ADAM7: variants seen among roughly 807,000 people sequenced by gnomAD.
ADAM7 encodes disintegrin and metalloproteinase domain-containing protein 7.
A neutral mutation model predicts 102.9 loss-of-function variants in ADAM7; 97 were observed. The observed-to-expected ratio is 0.94, with a 90% CI of 0.80 to 1.12. The LOEUF (loss-of-function observed/expected upper bound fraction) is 1.12. ADAM7 is among the 50% of genes most tolerant of loss of function. The pLI, the probability that ADAM7 is intolerant of heterozygous loss-of-function variation, is 0.00. For missense variants in ADAM7, 991 were observed against 908.7 expected, an observed-to-expected ratio of 1.09 and a Z score of -1.16; for synonymous variants, 334 against 304.4, an observed-to-expected ratio of 1.10 and a Z score of -1.01.
intron 16 of ADAM7, among the ~76,000 whole-genome samples, chr8:24,498,304 A>G (rs1209858423): frequency 1.3e-5 from 2 of 151,758 alleles, no homozygotes; most frequent in African/African-American, 4.8e-5. Flanking sequence ...GAAAGAGGAA[A>G]GAAGTAAAAA....
At chr8:24,472,282 A>AT (rs201229132) in intron 7 of ADAM7, among the ~76,000 whole-genome samples, 1 of 151,790 alleles carries the variant, frequency 6.6e-6, no homozygotes, top group Non-Finnish European at 1.5e-5. Flanking sequence ...ACTACCTTGC[A>AT]TTTAAAAAAA....
intron 9 of ADAM7, among the ~76,000 whole-genome samples, chr8:24,482,970 C>T (rs2129388617): frequency 6.6e-6 from 1 of 152,164 alleles, no homozygotes; most frequent in South Asian, 2.1e-4. Context: ...AATATTCTTC[C>T]AAAATCTGCC....
In ADAM7 at chr8:24,471,973, C is replaced by G. The variant is rs150362277; in HGVS notation, c.633+3153C>G. Among the ~76,000 whole-genome samples the G allele has an allele frequency of 9.6e-4, 146 of 151,478 alleles. 1 individual carries two copies. Among genetic ancestry groups the G allele is most frequent in the African/African-American group, 3.3e-3 (138 of 41,404 alleles). ...AATCTCAAAACTAGTTTCTTCTCTC[C>G]AAAAATATATCTTATGATTTTAATA... On this transcript the variant is annotated intron_variant, in intron 7 of 21. Coordinates refer to ENST00000175238, the MANE Select transcript of ADAM7 (RefSeq NM_003817.4).
intron 1 of ADAM7, 110 bp downstream of exon 1, chr8:24,441,270 T>C (rs1366292571): frequency 1.9e-6 from 2 of 1,068,716 alleles, no homozygotes; most frequent in Non-Finnish European, 1.4e-6. Context: ...TTGATGATTT[T>C]TCTGAGAGCT....
At chr8:24,504,105 C>T (rs934205526) in intron 20 of ADAM7, among the ~76,000 whole-genome samples, 1 of 151,898 alleles carries the variant, frequency 6.6e-6, no homozygotes, top group Non-Finnish European at 1.5e-5. Context: ...CAGTGGCTCA[C>T]AGCTACAATT....
At chr8:24,499,805 C>T (rs942576589) in intron 17 of ADAM7, among the ~76,000 whole-genome samples, 2 of 71,234 alleles carry the variant, frequency 2.8e-5, no homozygotes, top group Non-Finnish European at 3.1e-5. Flanking sequence ...AATACACACA[C>T]ACACACACAC....
intron 8 of ADAM7, among the ~76,000 whole-genome samples, chr8:24,480,676 G>C (rs1034461108): frequency 6.6e-6 from 1 of 152,114 alleles, no homozygotes; most frequent in Non-Finnish European, 1.5e-5. Flanking sequence ...AATAGAGAGG[G>C]TCTGAAAATC....
Position 24,509,400 on chromosome 8 carries a change from A to G in ADAM7, c.*854A>G. On this transcript the variant is annotated 3_prime_UTR_variant, in exon 22 of 22. Transcript: ENST00000175238. ...GGGAATGATTTCAGCTGCTTCTTAC[A>G]CAGATGCCTCTCAAGGTGTTCTTTT... 1 of 985,410 alleles carries G rather than the reference A, an allele frequency of 1.0e-6. No individual in the cohort carries two copies. Among genetic ancestry groups the G allele is most frequent in the Non-Finnish European group, 1.2e-6 (1 of 829,934 alleles). 61.0% of individuals were successfully genotyped at this position (985,410 alleles called of 1,614,324 possible). A position where few individuals can be genotyped will look rare whatever the true frequency, so the allele number is the denominator to read the frequency against.
intron 9 of ADAM7, among the ~76,000 whole-genome samples, chr8:24,482,674 A>T (rs1819999028): frequency 6.6e-6 from 1 of 152,112 alleles, no homozygotes; most frequent in Non-Finnish European, 1.5e-5. Context: ...TCTTGAATCC[A>T]GGAGGTTAAG....
At chr8:24,456,555 TA>T (rs1218206549) in intron 3 of ADAM7, among the ~76,000 whole-genome samples, 1 of 151,892 alleles carries the variant, frequency 6.6e-6, no homozygotes, top group Admixed American at 6.6e-5. Context: ...AAAACTCCTA[TA>T]AAAATACAGA....
At chr8:24,491,639 G>A (rs1297436359) in intron 13 of ADAM7, among the ~76,000 whole-genome samples, 1 of 152,056 alleles carries the variant, frequency 6.6e-6, no homozygotes, top group African/African-American at 2.4e-5. Flanking sequence ...GAGAACACCT[G>A]CCCGTTTCTT....
At chr8:24,444,119 T>A (rs1053883854) in intron 2 of ADAM7, among the ~76,000 whole-genome samples, 12 of 150,978 alleles carry the variant, frequency 7.9e-5, no homozygotes, top group Non-Finnish European at 1.3e-4. Context: ...GTCAAAAGAA[T>A]TCAGAAGCCA....
Position 24,498,000 on chromosome 8 carries a change from A to G in ADAM7, c.1843-1236A>G, listed in dbSNP as rs926296302. Reference sequence around the variant, plus strand: ...AAGCAATGCAATGATACTCTCACACATATTATAACTAATAAAATATATTGT... The same window carrying G: ...AAGCAATGCAATGATACTCTCACACGTATTATAACTAATAAAATATATTGT... On this transcript the variant is annotated intron_variant, in intron 16 of 21. Transcript: ENST00000175238. 6.0e-4 allele frequency among the ~76,000 whole-genome samples: 92 copies of G among 152,148 alleles called. 1 individual carries two copies. The highest frequency in any genetic ancestry group is 2.2e-3 in the African/African-American group (90 of 41,560).
At chr8:24,488,266 G>C (rs1285860708) in intron 11 of ADAM7, among the ~76,000 whole-genome samples, 1 of 152,124 alleles carries the variant, frequency 6.6e-6, no homozygotes, top group East Asian at 1.9e-4. Context: ...TCCATAAACA[G>C]TTACAGAATA....
At chr8:24,492,292 G>A (rs1358071406) in intron 14 of ADAM7, 194 bp downstream of exon 14, 1 of 681,780 alleles carries the variant, frequency 1.5e-6, no homozygotes, top group Non-Finnish European at 2.4e-6. Context: ...CTCAGTATAT[G>A]AGCTATGTAT....
At chr8:24,477,843 G>T (rs986124557) in intron 8 of ADAM7, among the ~76,000 whole-genome samples, 1 of 151,052 alleles carries the variant, frequency 6.6e-6, no homozygotes, top group South Asian at 2.1e-4. Context: ...GCTAATTTTT[G>T]TTGGGCCAAC....
chr8:24,452,666 G>A (rs1399643957), intron 3 of ADAM7, among the ~76,000 whole-genome samples: 5 of 149,910 alleles, frequency 3.3e-5, no homozygotes, highest in Non-Finnish European at 7.4e-5. Flanking sequence ...AGTTAATATT[G>A]TTATGTGTGA....
At chr8:24,463,722 CT>C (rs1263465600) in intron 3 of ADAM7, among the ~76,000 whole-genome samples, 159 bp from the exon 4 acceptor site, 1 of 152,096 alleles carries the variant, frequency 6.6e-6, no homozygotes, top group Non-Finnish European at 1.5e-5. Flanking sequence ...TAGAAAGGCT[CT>C]TCATATGAGT....
At chr8:24,482,713 C>T (rs1279118662) in intron 9 of ADAM7, among the ~76,000 whole-genome samples, 3 of 152,096 alleles carry the variant, frequency 2.0e-5, no homozygotes, top group Non-Finnish European at 4.4e-5. Flanking sequence ...TGTGCCACTG[C>T]ACTCCAGCCT....
Sources: gnomAD v4.1 joint callset for allele counts (sites outside exome capture counted in the v4.1 genomes callset) on GRCh38, gnomAD v4.1.1 for gene constraint, MANE v1.5 for transcripts, NCBI Gene and HGNC (gene_info 2026-07-23, HGNC 2026-07-21) for gene names.